The following ACACA variants were observed in gnomAD, a reference collection of about 807,000 sequenced individuals.
ACACA encodes the protein acetyl-CoA carboxylase 1.
Under a neutral mutation model 296.1 loss-of-function variants are expected in ACACA, and 103 were observed. The ratio of observed to expected loss-of-function variants is 0.35; its 90% CI spans 0.30 to 0.41. The LOEUF (loss-of-function observed/expected upper bound fraction) is 0.41, where lower values mean the gene tolerates loss of function less well. Among genes scored for constraint, ACACA ranks in the 10% least tolerant of loss-of-function variants. The pLI, the probability that ACACA is intolerant of heterozygous loss-of-function variation, is 1.00. For missense variants in ACACA, 1,554 were observed against 2,989.7 expected, an observed-to-expected ratio of 0.52 and a Z score of 11.20; for synonymous variants, 953 against 1,038.6, an observed-to-expected ratio of 0.92 and a Z score of 1.58.
At chr17:37,188,721 A>G (rs565119262) in intron 38 of ACACA, among the ~76,000 whole-genome samples, 2 of 152,272 alleles carry the variant, frequency 1.3e-5, no homozygotes, top group South Asian at 2.1e-4. Context: ...TAACACCCAA[A>G]TCTCTGCAAC....
chr17:37,254,695 A>G (rs557108270), intron 14 of ACACA, among the ~76,000 whole-genome samples: 1 of 152,046 alleles, frequency 6.6e-6, no homozygotes, highest in African/African-American at 2.4e-5. Flanking sequence ...AATACAATGA[A>G]TGAATGGGCC....
intron 33 of ACACA, among the ~76,000 whole-genome samples, chr17:37,201,791 C>T (rs2078261215): frequency 6.6e-6 from 1 of 152,276 alleles, no homozygotes; most frequent in South Asian, 2.1e-4. Flanking sequence ...CAGTTCTTAA[C>T]ATTCATGATA....
intron 23 of ACACA, 26 bp downstream of exon 23, chr17:37,241,927 G>A (rs753764136): frequency 7.6e-6 from 12 of 1,578,126 alleles, no homozygotes; most frequent in Middle Eastern, 3.3e-4. Flanking sequence ...GGACAGGTCT[G>A]GGAATCTGGA....
intron 1 of ACACA, among the ~76,000 whole-genome samples, chr17:37,382,882 A>C (rs2050364931): frequency 1.3e-5 from 2 of 151,638 alleles, no homozygotes; most frequent in Non-Finnish European, 2.9e-5. Flanking sequence ...AAACAAAATA[A>C]AAAAATTAGC....
chr17:37,217,751 A>C (rs891962797), intron 29 of ACACA, among the ~76,000 whole-genome samples: 18 of 142,736 alleles, frequency 1.3e-4, no homozygotes, highest in African/African-American at 3.8e-4. Flanking sequence ...AAAAAAAAAA[A>C]AAAAAAAAAA....
At chr17:37,316,016 G>GTCATC (rs2047068058) in intron 3 of ACACA, among the ~76,000 whole-genome samples, 1 of 152,076 alleles carries the variant, frequency 6.6e-6, no homozygotes, top group Non-Finnish European at 1.5e-5. Flanking sequence ...TCAGACCCCA[G>GTCATC]TCATCTCATT....
intron 1 of ACACA, chr17:37,377,842 T>TC: frequency 1.3e-6 from 2 of 1,545,076 alleles, no homozygotes; most frequent in Non-Finnish European, 1.8e-6. Flanking sequence ...CCCCAAACCT[T>TC]CCCCGGTTCC....
chr17:37,301,783 T>A (rs555948963), intron 3 of ACACA, among the ~76,000 whole-genome samples: 1 of 152,312 alleles, frequency 6.6e-6, no homozygotes, highest in Admixed American at 6.5e-5. Context: ...GTGTTTTGGC[T>A]ATTCTAGGTC....
intron 12 of ACACA, among the ~76,000 whole-genome samples, chr17:37,258,760 GA>G (rs1407122341): frequency 3.3e-5 from 5 of 152,156 alleles, no homozygotes; most frequent in Non-Finnish European, 5.9e-5. Flanking sequence ...CAAACCACTG[GA>G]GGAAGTAAGT....
chr17:37,124,699 T>C (rs1447020820), intron 48 of ACACA, among the ~76,000 whole-genome samples: 1 of 152,086 alleles, frequency 6.6e-6, no homozygotes, highest in Non-Finnish European at 1.5e-5. Flanking sequence ...AACAGACAGG[T>C]AGGCTCTGGG....
At chr17:37,298,081 C>T (rs2083442502) in intron 3 of ACACA, among the ~76,000 whole-genome samples, 1 of 152,158 alleles carries the variant, frequency 6.6e-6, no homozygotes, top group Non-Finnish European at 1.5e-5. Flanking sequence ...CCTCAGCCTA[C>T]AGAGTAGCTG....
rs1401270715 is a variant in ACACA, at chr17:37,248,661, GA to G, written c.2094del (p.Pro699LeufsTer6). The G allele has an allele frequency of 2.5e-6, 4 of 1,609,840 alleles. No homozygotes were observed. Among genetic ancestry groups the G allele is most frequent in the Non-Finnish European group, 3.4e-6 (4 of 1,177,006 alleles). ...FLHSLERGQV[L>X]PAHTLLNTVD... ...ACTGTATTCAGAAGTGTATGAGCAGGAAGGACTTGACCCCTGAAAGAACGAT... is the reference window on the plus strand; with the variant it reads ...ACTGTATTCAGAAGTGTATGAGCAGGAGGACTTGACCCCTGAAAGAACGAT... On this transcript the variant is annotated frameshift_variant, in exon 17 of 56. Transcript: ENST00000616317. LOFTEE classifies it high-confidence loss of function.
intron 24 of ACACA, among the ~76,000 whole-genome samples, chr17:37,235,437 T>C (rs1328861258): frequency 1.3e-5 from 2 of 152,146 alleles, no homozygotes; most frequent in African/African-American, 2.4e-5. Flanking sequence ...GACTGAAAGA[T>C]TGGGAATAAC....
At chr17:37,278,337 C>T (rs1487783610) in intron 5 of ACACA, among the ~76,000 whole-genome samples, 1 of 152,104 alleles carries the variant, frequency 6.6e-6, no homozygotes, top group Non-Finnish European at 1.5e-5. Flanking sequence ...TACTCTATTC[C>T]GAGAAAAAGT....
chr17:37,342,512 A>C (rs1597653549), intron 1 of ACACA, among the ~76,000 whole-genome samples: 1 of 145,808 alleles, frequency 6.9e-6, no homozygotes, highest in Non-Finnish European at 1.5e-5. Flanking sequence ...ATACATATAT[A>C]TATCCTATAT....
intron 3 of ACACA, among the ~76,000 whole-genome samples, chr17:37,293,437 G>C (rs1476117271): frequency 6.6e-6 from 1 of 150,574 alleles, no homozygotes; most frequent in African/African-American, 2.4e-5. Context: ...TTATAGATAA[G>C]AACAATTCCA....
At chr17:37,125,289 G>A (rs112194712) in intron 48 of ACACA, among the ~76,000 whole-genome samples, 71 of 151,332 alleles carry the variant, frequency 4.7e-4, no homozygotes, top group Non-Finnish European at 8.1e-4. Context: ...AAATAATCTC[G>A]GTGCCACGAA....
At chr17:37,389,807 T>G (rs2050713086) in intron 1 of ACACA, among the ~76,000 whole-genome samples, 1 of 151,944 alleles carries the variant, frequency 6.6e-6, no homozygotes, top group Non-Finnish European at 1.5e-5. Flanking sequence ...AACAGGGAGC[T>G]GCTTCAGTTA....
chr17:37,385,758 C>A (rs1223054644), intron 1 of ACACA, among the ~76,000 whole-genome samples: 1 of 152,130 alleles, frequency 6.6e-6, no homozygotes, highest in Non-Finnish European at 1.5e-5. Flanking sequence ...ATATCATTGG[C>A]ATGACTCCTT....
Sources: allele counts gnomAD v4.1 joint callset (sites outside exome capture counted in the v4.1 genomes callset), GRCh38; gene constraint gnomAD v4.1.1; transcripts MANE v1.5; gene names NCBI Gene and HGNC (gene_info 2026-07-23, HGNC 2026-07-21).